Variants in UBASH3A observed in about 807,000 individuals in gnomAD.
The protein encoded by UBASH3A is ubiquitin-associated and SH3 domain-containing protein A.
Under a neutral mutation model 73.5 loss-of-function variants are expected in UBASH3A, and 63 were observed. That is an observed-to-expected ratio of 0.86 (90% confidence interval 0.70 to 1.06). UBASH3A has a LOEUF of 1.06. Among genes scored for constraint, UBASH3A ranks in the 50% least tolerant of loss-of-function variants. The pLI is 0.00. For missense variants in UBASH3A, 860 were observed against 859.0 expected (o/e 1.00, Z -0.02); for synonymous variants, 363 against 351.1 (o/e 1.03, Z -0.38).
chr21:42,414,612 G>A (rs941626550), intron 5 of UBASH3A, among the ~76,000 whole-genome samples: 5 of 152,156 alleles, frequency 3.3e-5, no homozygotes, highest in South Asian at 2.1e-4. Flanking sequence ...GTGGGTTCCC[G>A]TAAGGGTAGA....
Position 42,443,404 on chromosome 21 carries a change from C to T in UBASH3A, c.1724C>T (p.Thr575Ile). 6.2e-7 allele frequency: 1 copy of T among 1,610,780 alleles called. No individual in the cohort carries two copies. The change falls in exon 13 of 15, where the codon ACC becomes ATC. Residue 575 changes from threonine to isoleucine, a missense_variant. Physicochemically the swap from Thr to Ile is moderately conservative, Grantham distance 89 (BLOSUM62 -1). Coordinates refer to ENST00000319294, the MANE Select transcript of UBASH3A (RefSeq NM_018961.4). ...CTASMVQIVN[T>I]CPQDTGVILI... ...GCGAGCATGGTGCAAATCGTCAACA[C>T]CTGTCCACAGGACAGTAAGTGCCTC... is the stretch of plus-strand genomic sequence containing the variant.
chr21:42,406,758 G>T (rs1407608277), intron 2 of UBASH3A, among the ~76,000 whole-genome samples: 1 of 151,900 alleles, frequency 6.6e-6, no homozygotes, highest in Non-Finnish European at 1.5e-5. Flanking sequence ...TAACATTTGG[G>T]TTTATATTAG....
In UBASH3A at chr21:42,416,430, C is replaced by A; in HGVS notation, c.668-12C>A. The A allele has an allele frequency of 6.4e-7, 1 of 1,553,446 alleles. No homozygotes were observed. The highest frequency in any genetic ancestry group is 8.7e-7 in the Non-Finnish European group (1 of 1,150,844). On this transcript the variant is annotated splice_polypyrimidine_tract_variant and intron_variant, in intron 5 of 14. Transcript: ENST00000319294. ...GTGTCCTGGCACCCTCTGTGTTTCCCTGATTTCACAGACTGCTCCGTGAAG... is the reference window on the plus strand; with the variant it reads ...GTGTCCTGGCACCCTCTGTGTTTCCATGATTTCACAGACTGCTCCGTGAAG...
intron 10 of UBASH3A, 103 bp downstream of exon 10, chr21:42,435,057 A>G (rs2053602148): frequency 2.8e-6 from 4 of 1,428,760 alleles, no homozygotes; most frequent in Non-Finnish European, 3.8e-6. Flanking sequence ...CCTTTGATAC[A>G]GTGTTAGCTT....
At chr21:42,411,084 C>G (rs1015941436) in intron 3 of UBASH3A, among the ~76,000 whole-genome samples, 1 of 150,554 alleles carries the variant, frequency 6.6e-6, no homozygotes, top group East Asian at 1.9e-4. Flanking sequence ...CAGACACACA[C>G]AGAGACACAG....
In UBASH3A at chr21:42,433,080, AAT is replaced by A. The variant is rs1269112314; in HGVS notation, c.1270+880_1270+881del. Among the ~76,000 whole-genome samples the A allele has an allele frequency of 1.2e-4, 19 of 152,240 alleles. 1 individual carries two copies. In the East Asian group the frequency reaches 3.7e-3, roughly 29 times the overall value. On this transcript the variant is annotated intron_variant, in intron 9 of 14. Transcript: ENST00000319294. ...CCAATACAAAACAATCAACACCAAA[AAT>A]AGTTATTGAACTTCATAGAAAAAGA...
intron 3 of UBASH3A, 65 bp from the exon 4 acceptor site, chr21:42,412,959 A>G (rs1289101924): frequency 3.3e-5 from 44 of 1,336,076 alleles, no homozygotes; most frequent in Non-Finnish European, 4.3e-5. Flanking sequence ...ATTGTTATTA[A>G]TTAAATTAAT....
rs547407385 is a variant in UBASH3A at position 42,447,176 on chromosome 21, C to A, written c.1968C>A (p.Asn656Lys). 3.7e-6 allele frequency: 6 copies of A among 1,614,058 alleles called. No individual in the cohort carries two copies. The South Asian group carries it at 5.5e-5, about 15-fold the overall frequency. Residue 656 changes from asparagine (N) to lysine (K), a missense_variant, in exon 15 of 15, where the codon AAC becomes AAA. Transcript: ENST00000319294. ...HGANAAFNWR[N>K]WISGN The stretch of plus-strand genomic sequence containing the variant: ...CGAACGCAGCATTTAACTGGAGGAA[C>A]TGGATCTCAGGCAACTGAGAGCCAC...
intron 3 of UBASH3A, chr21:42,410,626 G>A (rs1242264599): frequency 1.1e-5 from 2 of 180,172 alleles, no homozygotes; most frequent in East Asian, 1.4e-4. Flanking sequence ...CCCCTACATC[G>A]ACATCAATGG....
At chr21:42,433,042 A>C (rs191001923) in intron 9 of UBASH3A, among the ~76,000 whole-genome samples, 2 of 152,246 alleles carry the variant, frequency 1.3e-5, no homozygotes, top group Non-Finnish European at 2.9e-5. Context: ...CACCTTGTCC[A>C]TGGTGGGGAG....
intron 3 of UBASH3A, chr21:42,410,126 T>C: frequency 1.4e-6 from 1 of 702,214 alleles, no homozygotes; most frequent in Non-Finnish European, 2.6e-6. Context: ...GGACCAGCCG[T>C]CTGATTCAGA....
At chr21:42,443,977 C>G (rs868363532) in intron 13 of UBASH3A, among the ~76,000 whole-genome samples, 3 of 152,304 alleles carry the variant, frequency 2.0e-5, no homozygotes, top group Non-Finnish European at 2.9e-5. Flanking sequence ...GGTGGCGCCC[C>G]CTTCCCTGAC....
Position 42,426,776 on chromosome 21 carries a change from C to G in UBASH3A, c.1126C>G (p.Leu376Val). ...CAGCAGCAGATGCAGCGGGGAATTT[C>G]TTCCACAAACGGCAAGGAGTCTTAG... ...EASSRCSGEF[L>V]PQTARSLSSL... Residue 376 changes from leucine (L) to valine (V), a missense_variant, in exon 8 of 15, where the codon CTT becomes GTT. Leu to Val is a conservative substitution (Grantham distance 32, BLOSUM62 1). Transcript: ENST00000319294. 1 of 1,614,244 alleles carries G rather than the reference C, an allele frequency of 6.2e-7. No homozygotes were observed. The highest frequency in any genetic ancestry group is 8.5e-7 in the Non-Finnish European group (1 of 1,180,040).
In UBASH3A at chr21:42,447,273, C is replaced by T. The variant is rs17114952; in HGVS notation, c.*79C>T. On this transcript the variant is annotated 3_prime_UTR_variant, in exon 15 of 15. Transcript: ENST00000319294. ...AGAGGCTGGGAGATGCTGCTGTTTC[C>T]AGAGGCGTCTTAGTCTCACCCAATG... 8.8e-3 allele frequency: 13,042 copies of T among 1,478,184 alleles called. 1,014 individuals are homozygous for T. In the African/African-American group the frequency reaches 0.16, roughly 18 times the overall value. 91.6% of individuals were successfully genotyped at this position (1,478,184 alleles called of 1,614,324 possible).
Position 42,444,634 on chromosome 21 carries a change from C to T in UBASH3A, c.1839C>T (p.Leu613=), listed in dbSNP as rs61735848. The T allele has an allele frequency of 4.3e-6, 7 of 1,613,774 alleles. No homozygotes were observed. Among genetic ancestry groups the T allele is most frequent in the Non-Finnish European group, 5.9e-6 (7 of 1,179,598 alleles). Residue 613 remains leucine (L), a synonymous_variant, in exon 14 of 15, where the codon CTC becomes CTT. Coordinates refer to ENST00000319294, the MANE Select transcript of UBASH3A (RefSeq NM_018961.4). ...PPRECGDFAQ[L]VRKIPSLGMC... ...GGGAATGTGGGGATTTTGCCCAACT[C>T]GTGAGAAAGGTACGCGCCCACTCTT...
intron 9 of UBASH3A, among the ~76,000 whole-genome samples, chr21:42,432,440 T>G (rs2053550436): frequency 7.4e-6 from 1 of 134,622 alleles, no homozygotes; most frequent in African/African-American, 3.2e-5. Context: ...TGATGTAATT[T>G]TTGGCTATGC....
intron 11 of UBASH3A, among the ~76,000 whole-genome samples, chr21:42,439,309 T>A (rs1460119402): frequency 1.3e-5 from 2 of 152,126 alleles, no homozygotes; most frequent in Non-Finnish European, 2.9e-5. Flanking sequence ...CCCACCTCAG[T>A]CTTGCAGCTT....
At chr21:42,433,841 G>T (rs530093429) in intron 9 of UBASH3A, among the ~76,000 whole-genome samples, 1 of 152,244 alleles carries the variant, frequency 6.6e-6, no homozygotes, top group Non-Finnish European at 1.5e-5. Context: ...CCCTGACTCT[G>T]GGTTTGTGCA....
intron 11 of UBASH3A, among the ~76,000 whole-genome samples, chr21:42,441,030 A>G (rs1210059581): frequency 1.3e-5 from 2 of 152,152 alleles, no homozygotes; most frequent in East Asian, 3.8e-4. Context: ...CTTTAATGTG[A>G]TCTCTCAGTG....
Sources: gnomAD v4.1 joint callset for allele counts (sites outside exome capture counted in the v4.1 genomes callset) on GRCh38, gnomAD v4.1.1 for gene constraint, MANE v1.5 for transcripts, NCBI Gene and HGNC (gene_info 2026-07-23, HGNC 2026-07-21) for gene names.